Variants in ANKFY1 observed in about 807,000 individuals in gnomAD.
The protein encoded by ANKFY1 is ankyrin repeat and FYVE domain containing 1.
ANKFY1 carries 47 observed loss-of-function variants against 128.3 expected under a neutral mutation model. That is an observed-to-expected ratio of 0.37 (90% CI 0.29 to 0.47). The LOEUF (loss-of-function observed/expected upper bound fraction) is 0.47, where lower values mean the gene tolerates loss of function less well. ANKFY1 is among the 20% of genes least tolerant of loss of function. The pLI is 1.00. For missense variants in ANKFY1, 1,222 were observed against 1,510.6 expected, an observed-to-expected ratio of 0.81 and a Z score of 3.17; for synonymous variants, 553 against 601.6, an observed-to-expected ratio of 0.92 and a Z score of 1.18.
chr17:4,190,428 A>G (rs2059697251), intron 10 of ANKFY1, among the ~76,000 whole-genome samples: 1 of 151,738 alleles, frequency 6.6e-6, no homozygotes, highest in Non-Finnish European at 1.5e-5. Flanking sequence ...GCGACAGAAC[A>G]AGACTCTGTC....
At chr17:4,194,928 C>G in intron 10 of ANKFY1, 50 bp downstream of exon 10, 1 of 1,594,804 alleles carries the variant, frequency 6.3e-7, no homozygotes, top group Non-Finnish European at 8.6e-7. Flanking sequence ...ATGCCATTTC[C>G]TGGCGCCTGC....
chr17:4,180,048 T>G (rs1169188273), intron 16 of ANKFY1, 171 bp from the exon 17 acceptor site: 1 of 789,790 alleles, frequency 1.3e-6, no homozygotes, highest in Non-Finnish European at 2.0e-6. Context: ...TCCACTCCCA[T>G]AGATTCTTCT....
chr17:4,229,182 G>T (rs1384681410), intron 3 of ANKFY1, among the ~76,000 whole-genome samples: 1 of 152,118 alleles, frequency 6.6e-6, no homozygotes, highest in Non-Finnish European at 1.5e-5. Context: ...CCAGCACTTT[G>T]GGGGGCCGCA....
At chr17:4,202,696 CAAA>C (rs60561665) in intron 7 of ANKFY1, among the ~76,000 whole-genome samples, 1 of 74,698 alleles carries the variant, frequency 1.3e-5, no homozygotes, top group Non-Finnish European at 2.3e-5. Context: ...AACTCCGTCT[CAAA>C]AAAAAAAAAA....
rs142405273 is a variant in ANKFY1 at position 4,226,080 on chromosome 17, T to C, written c.323-8962A>G. Among the ~76,000 whole-genome samples the C allele has an allele frequency of 8.8e-4, 134 of 152,254 alleles. 1 individual carries two copies. Among genetic ancestry groups the C allele is most frequent in the African/African-American group, 3.0e-3 (125 of 41,560 alleles). ...CTTGGCAAAAATTATTTTAAAATGATAAAAGCAACAATTCCTTAGGAAGTC... is the reference window on the plus strand; with the variant it reads ...CTTGGCAAAAATTATTTTAAAATGACAAAAGCAACAATTCCTTAGGAAGTC... On this transcript the variant is annotated intron_variant, in intron 3 of 24. Coordinates refer to ENST00000341657, the MANE Select transcript of ANKFY1 (RefSeq NM_001330063.2).
In ANKFY1 at chr17:4,194,103, A is replaced by ATAT. The variant is rs1555627694; in HGVS notation, c.1372+874_1372+875insATA. ...CGCCCGGCCATATATATATATATAT[A>ATAT]TTTTTTTTTTTTTTTTTTTTTTGAG... is the stretch of plus-strand genomic sequence containing the variant. On this transcript the variant is annotated intron_variant, in intron 10 of 24. Transcript: ENST00000341657. 5.8e-3 allele frequency among the ~76,000 whole-genome samples: 624 copies of ATAT among 108,190 alleles called. 34 individuals carry two copies. The highest frequency in any genetic ancestry group is 0.029 in the African/African-American group (594 of 20,542). 71.0% of individuals were successfully genotyped at this position (108,190 alleles called of 152,430 possible).
intron 19 of ANKFY1, among the ~76,000 whole-genome samples, chr17:4,175,908 G>A (rs1030690067): frequency 6.6e-6 from 1 of 152,146 alleles, no homozygotes; most frequent in Non-Finnish European, 1.5e-5. Context: ...TAGTGTTTCT[G>A]GGCGATCCTA....
At position 4,165,665 on chromosome 17, in the gene ANKFY1, T is replaced by C. The variant is rs2059199349; in HGVS notation, c.*2114A>G. The C allele has an allele frequency of 6.6e-6, 1 of 152,200 alleles. No individual in the cohort carries two copies. Among genetic ancestry groups the C allele is most frequent in the East Asian group, 1.9e-4 (1 of 5,198 alleles). 9.4% of individuals were successfully genotyped at this position (152,200 alleles called of 1,614,324 possible). ...CCCAGTCCATAGCTGGTCAGTACCA[T>C]TGCTATCCCTGGACTCAGGCTTAGA... On this transcript the variant is annotated 3_prime_UTR_variant, in exon 25 of 25. Transcript: ENST00000341657.
intron 24 of ANKFY1, among the ~76,000 whole-genome samples, chr17:4,168,380 G>T (rs535832189): frequency 2.0e-5 from 3 of 152,158 alleles, no homozygotes; most frequent in African/African-American, 4.8e-5. Flanking sequence ...TTGAACCCGC[G>T]AAGTGGAGAT....
chr17:4,262,673 G>T (rs1968485925), intron 1 of ANKFY1, among the ~76,000 whole-genome samples: 1 of 152,022 alleles, frequency 6.6e-6, no homozygotes, highest in Non-Finnish European at 1.5e-5. Context: ...CTTGAGCCCA[G>T]GAGACTGAAG....
At chr17:4,202,769 G>GTA (rs2059956645) in intron 7 of ANKFY1, among the ~76,000 whole-genome samples, 1 of 144,184 alleles carries the variant, frequency 6.9e-6, no homozygotes, top group Non-Finnish European at 1.5e-5. Flanking sequence ...AATGAAAAAT[G>GTA]TATAATACAC....
At chr17:4,180,087 G>A (rs1282740876) in intron 16 of ANKFY1, 3 of 605,174 alleles carry the variant, frequency 5.0e-6, no homozygotes, top group Admixed American at 3.0e-5. Context: ...GGGCAACCCG[G>A]GCATCAGAAT....
At chr17:4,233,507 A>G (rs1184041063) in intron 3 of ANKFY1, among the ~76,000 whole-genome samples, 1 of 152,198 alleles carries the variant, frequency 6.6e-6, no homozygotes, top group African/African-American at 2.4e-5. Context: ...GTGCATTTGT[A>G]TCTACAACTT....
intron 3 of ANKFY1, among the ~76,000 whole-genome samples, chr17:4,231,425 G>A (rs971286397): frequency 1.3e-5 from 2 of 151,968 alleles, no homozygotes; most frequent in African/African-American, 4.8e-5. Context: ...GGAGTTCAAG[G>A]CTTCAGTGAG....
At position 4,241,453 on chromosome 17, in the gene ANKFY1, A is replaced by G. The variant is rs374502154; in HGVS notation, c.203+803T>C. Among the ~76,000 whole-genome samples, 7 of 151,348 alleles carry G rather than the reference A, an allele frequency of 4.6e-5. No homozygotes were observed. In the East Asian group the frequency reaches 9.8e-4, roughly 21 times the overall value. On this transcript the variant is annotated intron_variant, in intron 2 of 24. Transcript: ENST00000341657. ...CACCACCATGCGCGGCGAATTTTTT[A>G]TATTTTTTTGTAGAGACGGGGTTTC...
intron 3 of ANKFY1, among the ~76,000 whole-genome samples, chr17:4,224,230 T>G (rs990766326): frequency 4.4e-5 from 6 of 137,272 alleles, no homozygotes; most frequent in Non-Finnish European, 6.3e-5. Flanking sequence ...TTTTTTTTTT[T>G]TTTTTTTTTT....
intron 19 of ANKFY1, among the ~76,000 whole-genome samples, chr17:4,175,049 C>T (rs1269004189): frequency 6.7e-6 from 1 of 149,870 alleles, no homozygotes; most frequent in Non-Finnish European, 1.5e-5. Context: ...AGAAAGAACA[C>T]AGGCCGGGTG....
At chr17:4,185,996 T>C (rs1176119461) in intron 11 of ANKFY1, among the ~76,000 whole-genome samples, 1 of 152,172 alleles carries the variant, frequency 6.6e-6, no homozygotes, top group East Asian at 1.9e-4. Context: ...GTTAAAAATA[T>C]TTTTAATTGG....
chr17:4,216,601 C>T (rs1175204341), intron 4 of ANKFY1: 4 of 302,398 alleles, frequency 1.3e-5, no homozygotes, highest in Non-Finnish European at 2.6e-5. Flanking sequence ...TTGTTTCCAA[C>T]AAAGAGACTA....
Sources: gnomAD v4.1 joint callset for allele counts (sites outside exome capture counted in the v4.1 genomes callset) on GRCh38, gnomAD v4.1.1 for gene constraint, MANE v1.5 for transcripts, NCBI Gene and HGNC (gene_info 2026-07-23, HGNC 2026-07-21) for gene names.